The following COL18A1 variants were observed in gnomAD, a reference collection of about 807,000 sequenced individuals.
The protein encoded by COL18A1 is collagen alpha-1(XVIII) chain.
In COL18A1, 133 loss-of-function variants were observed where a neutral mutation model predicts 168.0. The observed-to-expected ratio is 0.79, with a 90% CI of 0.69 to 0.91. The LOEUF is 0.91. Ranked by LOEUF, COL18A1 falls within the 40% of genes least tolerant of loss-of-function variation. The pLI is 0.00. For missense variants in COL18A1, 2,126 were observed against 1,925.4 expected (o/e 1.10, Z -1.95); for synonymous variants, 949 against 809.0 (o/e 1.17, Z -2.94).
chr21:45,494,664 G>A (rs2036471904), intron 27 of COL18A1, 93 bp downstream of exon 27: 1 of 1,566,362 alleles, frequency 6.4e-7, no homozygotes, highest in Non-Finnish European at 8.8e-7. Context: ...GTGCTGTGCG[G>A]CCCAGGGCTC....
chr21:45,505,292 G>T lies in COL18A1; in HGVS notation c.3013+14G>T, dbSNP rs2037127539. The T allele has an allele frequency of 1.2e-6, 2 of 1,607,794 alleles. No individual in the cohort carries two copies. The highest frequency in any genetic ancestry group is 2.2e-5 in the South Asian group (2 of 90,826). ...CTCACAGGCAGAGTAAGTCAGTGGG[G>T]AGTGGGCCCCGGGCAGAGGCCGCCT... On this transcript the variant is annotated intron_variant, in intron 35 of 41. Transcript: ENST00000651438.
At chr21:45,488,554 A>G in intron 18 of COL18A1, 110 bp downstream of exon 18, 6 of 1,512,424 alleles carry the variant, frequency 4.0e-6, no homozygotes, top group Non-Finnish European at 5.5e-6. Context: ...TGGCAGGAGT[A>G]GGATGAATTC....
Position 45,471,513 on chromosome 21 carries a change from G to A in COL18A1, c.652-2382G>A, listed in dbSNP as rs1276163488. Reference sequence around the variant, plus strand: ...TCCACAAGACTGCATCGACCCTGGCGCTGCCACAGATGGTGCCTGGGACCC... The same window carrying A: ...TCCACAAGACTGCATCGACCCTGGCACTGCCACAGATGGTGCCTGGGACCC... On this transcript the variant is annotated intron_variant, in intron 3 of 41. Coordinates refer to ENST00000651438, the MANE Select transcript of COL18A1 (RefSeq NM_001379500.1). The surrounding 1 kb of genome is among the most constrained non-coding windows in gnomAD (Gnocchi z 4.4). Among the ~76,000 whole-genome samples, 1 of 152,190 alleles carries A rather than the reference G, an allele frequency of 6.6e-6. No individual in the cohort carries two copies. The highest frequency in any genetic ancestry group is 6.5e-5 in the Admixed American group (1 of 15,286).
chr21:45,506,903 T>G (rs1234947232), intron 37 of COL18A1: 2 of 207,612 alleles, frequency 9.6e-6, no homozygotes, highest in Non-Finnish European at 1.0e-5. Context: ...TCCCTTCATC[T>G]GGCCAGGGAG....
intron 2 of COL18A1, among the ~76,000 whole-genome samples, chr21:45,438,169 T>C (rs111167523): frequency 0.012 from 589 of 48,840 alleles, 15 homozygotes; most frequent in Middle Eastern, 0.037. Flanking sequence ...CTCTCCTGCA[T>C]ACACACACTC....
rs1040933471 is a variant in COL18A1 at position 45,503,808 on chromosome 21, A to C, written c.2684-203A>C. On this transcript the variant is annotated intron_variant, in intron 32 of 41. Coordinates refer to ENST00000651438, the MANE Select transcript of COL18A1 (RefSeq NM_001379500.1). ...TAATAATAAATTTAAAAAATTTAAA[A>C]ATAAAATAAAAATAAAAAGGCACCA... 8 of 340,606 alleles carry C rather than the reference A, an allele frequency of 2.3e-5. 2 individuals carry two copies. The South Asian group carries it at 3.7e-4, about 16-fold the overall frequency. The allele number at this position is 340,606 out of a possible 1,614,324, so 21.1% of individuals were successfully genotyped here. A position where few individuals can be genotyped will look rare whatever the true frequency, so the allele number is the denominator to read the frequency against.
chr21:45,437,751 GAC>G (rs758225278), intron 2 of COL18A1, among the ~76,000 whole-genome samples: 8 of 12,092 alleles, frequency 6.6e-4, no homozygotes, highest in South Asian at 2.3e-3. Context: ...CACACACTCA[GAC>G]ACAGGCACTC....
intron 29 of COL18A1, 119 bp from the exon 30 acceptor site, chr21:45,496,381 T>G: frequency 1.3e-6 from 1 of 770,168 alleles, no homozygotes; most frequent in South Asian, 1.4e-5. Context: ...CGGTTTTGCC[T>G]GGTCAGAGGT....
chr21:45,512,647 G>A lies in COL18A1; in HGVS notation c.*249G>A. 5.3e-6 allele frequency: 3 copies of A among 563,742 alleles called. No homozygotes were observed. The highest frequency in any genetic ancestry group is 9.5e-6 in the Non-Finnish European group (3 of 314,304). 34.9% of individuals were successfully genotyped at this position (563,742 alleles called of 1,614,324 possible). ...TCTCCCCTGACCTGTGAGCCCAGCT[G>A]GGTCAGGCAGGGTGCAGTATCATGC... On this transcript the variant is annotated 3_prime_UTR_variant, in exon 42 of 42. Transcript: ENST00000651438.
At chr21:45,495,756 A>G (rs780798110) in intron 29 of COL18A1, 78 of 382,660 alleles carry the variant, frequency 2.0e-4, no homozygotes, top group Non-Finnish European at 3.4e-4. Context: ...GTGTGTACAC[A>G]TGCCCATACA....
chr21:45,480,319 C>T (rs2035847929), intron 11 of COL18A1, 148 bp from the exon 12 acceptor site: 3 of 1,464,364 alleles, frequency 2.0e-6, no homozygotes, highest in Non-Finnish European at 2.8e-6. Flanking sequence ...CACCTGCCTT[C>T]AGGCTTCTCT....
intron 39 of COL18A1, 23 bp downstream of exon 39, chr21:45,509,624 C>A: frequency 7.6e-7 from 1 of 1,309,168 alleles, no homozygotes; most frequent in Non-Finnish European, 1.1e-6. Flanking sequence ...CCAAAGTGGG[C>A]TTGGCTCCAT....
intron 2 of COL18A1, among the ~76,000 whole-genome samples, chr21:45,432,065 G>A (rs535824377): frequency 4.6e-5 from 7 of 152,226 alleles, no homozygotes; most frequent in Non-Finnish European, 1.0e-4. Context: ...CCTGGGCGGT[G>A]CCCACCTCGG....
At chr21:45,497,792 A>C (rs2036592831) in intron 32 of COL18A1, 131 bp downstream of exon 32, 1 of 1,290,706 alleles carries the variant, frequency 7.7e-7, no homozygotes, top group African/African-American at 1.5e-5. Context: ...ACCCTGCGGG[A>C]GGAAGGAAGC....
intron 2 of COL18A1, among the ~76,000 whole-genome samples, chr21:45,412,555 C>G (rs1056286752): frequency 6.6e-6 from 1 of 152,152 alleles, no homozygotes; most frequent in African/African-American, 2.4e-5. Flanking sequence ...GGGTATATTT[C>G]TTAATGTGTG....
At chr21:45,430,868 A>G (rs1245807069) in intron 2 of COL18A1, among the ~76,000 whole-genome samples, 1 of 152,328 alleles carries the variant, frequency 6.6e-6, no homozygotes, top group East Asian at 1.9e-4. Context: ...CCCATGAGGC[A>G]GGGTCAGCTC....
chr21:45,429,936 T>C (rs1437020662), intron 2 of COL18A1, among the ~76,000 whole-genome samples: 2 of 151,426 alleles, frequency 1.3e-5, no homozygotes, highest in East Asian at 1.9e-4. Context: ...TCGCGCCCTC[T>C]CATTGGGGAC....
chr21:45,435,463 C>T (rs1277055307), intron 2 of COL18A1, among the ~76,000 whole-genome samples: 1 of 152,070 alleles, frequency 6.6e-6, no homozygotes, highest in Non-Finnish European at 1.5e-5. Context: ...CCTGGCCTTC[C>T]CTCTGAGCAC....
intron 38 of COL18A1, among the ~76,000 whole-genome samples, chr21:45,508,897 G>C (rs145547815): frequency 6.6e-6 from 1 of 152,142 alleles, no homozygotes; most frequent in East Asian, 1.9e-4. Flanking sequence ...GCTGAGGGCC[G>C]TGGGGAAAGG....
Sources: allele counts gnomAD v4.1 joint callset (sites outside exome capture counted in the v4.1 genomes callset), GRCh38; gene constraint gnomAD v4.1.1; non-coding constraint Gnocchi (gnomAD v3.1); transcripts MANE v1.5; gene names NCBI Gene and HGNC (gene_info 2026-07-23, HGNC 2026-07-21).